Variants in FBXL5 observed in about 807,000 individuals in gnomAD.
FBXL5 encodes F-box/LRR-repeat protein 5.
Under a neutral mutation model 78.3 loss-of-function variants are expected in FBXL5, and 26 were observed. The observed-to-expected ratio is 0.33, with a 90% CI of 0.24 to 0.46. FBXL5 has a LOEUF of 0.46. Among genes scored for constraint, FBXL5 ranks in the 20% least tolerant of loss-of-function variants. The pLI, the probability that FBXL5 is intolerant of heterozygous loss-of-function variation, is 1.00. For synonymous variants in FBXL5, 295 were observed against 282.5 expected (o/e 1.04, Z -0.45); for missense variants, 710 against 829.2 (o/e 0.86, Z 1.77).
At chr4:15,647,712 T>C (rs1364448550) in intron 1 of FBXL5, among the ~76,000 whole-genome samples, 2 of 152,204 alleles carry the variant, frequency 1.3e-5, no homozygotes, top group Non-Finnish European at 2.9e-5. Context: ...CCAGCTAACC[T>C]AGCACAGTAG....
chr4:15,612,849 C>G (rs1426789068), intron 9 of FBXL5, among the ~76,000 whole-genome samples: 1 of 152,044 alleles, frequency 6.6e-6, no homozygotes, highest in East Asian at 1.9e-4. Flanking sequence ...ATTCCTGTCC[C>G]AGGTATATAC....
chr4:15,677,503 T>G (rs1718036865), intron 1 of FBXL5, among the ~76,000 whole-genome samples: 1 of 152,188 alleles, frequency 6.6e-6, no homozygotes, highest in East Asian at 1.9e-4. Context: ...TTAAAACTTT[T>G]AGCCCATCTC....
chr4:15,616,856 G>C (rs1350085408), intron 9 of FBXL5, among the ~76,000 whole-genome samples: 1 of 152,188 alleles, frequency 6.6e-6, no homozygotes, highest in Non-Finnish European at 1.5e-5. Context: ...GTTGTGTTCA[G>C]AGGCAGACAT....
At chr4:15,661,512 A>G (rs1717304663), upstream of FBXL5, among the ~76,000 whole-genome samples, 1 of 152,232 alleles carries the variant, frequency 6.6e-6, no homozygotes, top group Non-Finnish European at 1.5e-5. Context: ...AACCTTAGGA[A>G]TAGTATTTCA....
intron 9 of FBXL5, among the ~76,000 whole-genome samples, chr4:15,613,799 C>T (rs1722433787): frequency 6.6e-6 from 1 of 151,840 alleles, no homozygotes; most frequent in Non-Finnish European, 1.5e-5. Flanking sequence ...TTTATTTATG[C>T]TATAAATTTC....
intron 9 of FBXL5, among the ~76,000 whole-genome samples, chr4:15,623,399 G>C (rs1712678820): frequency 1.3e-5 from 2 of 151,906 alleles, no homozygotes; most frequent in South Asian, 4.2e-4. Context: ...GGCTCTGAAA[G>C]GTCACATGTA....
rs143031139 is a variant in FBXL5 at position 15,625,866 on chromosome 4, T to C, written c.1236A>G (p.Thr412=). The C allele has an allele frequency of 8.1e-4, 1,300 of 1,614,038 alleles. 1 individual carries two copies. Among genetic ancestry groups the C allele is most frequent in the Admixed American group, 1.7e-3 (102 of 60,008 alleles). Residue 412 remains threonine, a synonymous_variant, in exon 9 of 11, where the codon ACA becomes ACG. Coordinates refer to ENST00000341285, the MANE Select transcript of FBXL5 (RefSeq NM_012161.4). Reference sequence around the variant, plus strand: ...TTTTCAAAAAGCCACTTTGATGAGATGTCAGAATTCCAAGAGCTCTGGAAA... The same window carrying C: ...TTTTCAAAAAGCCACTTTGATGAGACGTCAGAATTCCAAGAGCTCTGGAAA... ...EKISRALGIL[T]SHQSGFLKTS...
rs1553852146 is a variant in FBXL5, at chr4:15,640,393, G to GGA, written c.396+394_396+395insTC. ...CATTTAAATACTAAACTACACTACT[G>GGA]AAAAAAAAAAAAAAAAACATGAAAA... On this transcript the variant is annotated intron_variant, in intron 3 of 10. Coordinates refer to ENST00000341285, the MANE Select transcript of FBXL5 (RefSeq NM_012161.4). Among the ~76,000 whole-genome samples, 4 of 91,604 alleles carry GGA rather than the reference G, an allele frequency of 4.4e-5. No individual in the cohort carries two copies. In the East Asian group the frequency reaches 1.2e-3, roughly 28 times the overall value. 60.1% of individuals were successfully genotyped at this position (91,604 alleles called of 152,430 possible). A position where few individuals can be genotyped will look rare whatever the true frequency, so the allele number is the denominator to read the frequency against.
chr4:15,617,580 A>G (rs533999064), intron 9 of FBXL5, among the ~76,000 whole-genome samples: 1 of 151,890 alleles, frequency 6.6e-6, no homozygotes, highest in Admixed American at 6.6e-5. Context: ...AACGTGGTAC[A>G]TATACACCAT....
intron 1 of FBXL5, among the ~76,000 whole-genome samples, chr4:15,674,202 G>A (rs1189877949): frequency 7.7e-6 from 1 of 130,038 alleles, no homozygotes; most frequent in Admixed American, 7.6e-5. Flanking sequence ...CAAATGCATC[G>A]TGTTTTTTTT....
At chr4:15,653,112 T>C (rs1023293122) in intron 1 of FBXL5, among the ~76,000 whole-genome samples, 5 of 152,198 alleles carry the variant, frequency 3.3e-5, no homozygotes, top group African/African-American at 1.2e-4. Context: ...ATGCATTTTT[T>C]TTTCCCTAAA....
rs148625395 is a variant in FBXL5 at position 15,626,052 on chromosome 4, G to A, written c.1125-75C>T. On this transcript the variant is annotated intron_variant, in intron 8 of 10. Coordinates refer to ENST00000341285, the MANE Select transcript of FBXL5 (RefSeq NM_012161.4). ...AGCATTTGACTATATGCATGTAGAT[G>A]AAAACCAGAAGAAAGATTTGACATC... 3,252 of 1,295,500 alleles carry A rather than the reference G, an allele frequency of 2.5e-3. 67 individuals carry two copies. In the Admixed American group the frequency reaches 0.042, roughly 17 times the overall value. The allele number at this position is 1,295,500 out of a possible 1,614,324, so 80.3% of individuals were successfully genotyped here. A position where few individuals can be genotyped will look rare whatever the true frequency, so the allele number is the denominator to read the frequency against.
chr4:15,633,283 T>A (rs1220264882), intron 5 of FBXL5, among the ~76,000 whole-genome samples: 1 of 152,226 alleles, frequency 6.6e-6, no homozygotes, highest in African/African-American at 2.4e-5. Flanking sequence ...GTTTTTCAAC[T>A]TTTTTATAGA....
chr4:15,639,947 T>C (rs917403978), intron 3 of FBXL5, among the ~76,000 whole-genome samples: 1 of 152,220 alleles, frequency 6.6e-6, no homozygotes, highest in Non-Finnish European at 1.5e-5. Flanking sequence ...CTGATATTCA[T>C]CCCATATTAG....
intron 5 of FBXL5, among the ~76,000 whole-genome samples, chr4:15,634,364 C>A (rs143743125): frequency 3.8e-4 from 56 of 148,662 alleles, no homozygotes; most frequent in Non-Finnish European, 6.6e-4. Flanking sequence ...AATTTTTTTT[C>A]TTTTTTGTTT....
chr4:15,673,828 T>G (rs1423059724), intron 1 of FBXL5, among the ~76,000 whole-genome samples: 1 of 152,194 alleles, frequency 6.6e-6, no homozygotes, highest in Non-Finnish European at 1.5e-5. Context: ...GGGATTCCAC[T>G]AGGCTGCATA....
chr4:15,630,921 GTTTTT>G, intron 5 of FBXL5, 130 bp from the exon 6 acceptor site: 4 of 1,128,044 alleles, frequency 3.5e-6, no homozygotes, highest in South Asian at 3.1e-5. Context: ...ATAAGCAACT[GTTTTT>G]TTTTAATACT....
chr4:15,662,893 T>C (rs1443605375), upstream of FBXL5, among the ~76,000 whole-genome samples: 1 of 152,234 alleles, frequency 6.6e-6, no homozygotes, highest in Non-Finnish European at 1.5e-5. Context: ...GCACAATTGT[T>C]ACTACCAGAT....
In FBXL5 at chr4:15,633,571, G is replaced by C. The variant is rs77610816; in HGVS notation, c.767-2780C>G. ...CAACTAAATTATATGATCATGAAATGAGAGATTATGCGGAATCAATTTACT... is the reference window on the plus strand; with the variant it reads ...CAACTAAATTATATGATCATGAAATCAGAGATTATGCGGAATCAATTTACT... On this transcript the variant is annotated intron_variant, in intron 5 of 10. Transcript: ENST00000341285. Among the ~76,000 whole-genome samples the C allele has an allele frequency of 3.0e-3, 456 of 152,274 alleles. 2 individuals carry two copies. Among genetic ancestry groups the C allele is most frequent in the African/African-American group, 0.01 (430 of 41,552 alleles).
Sources: allele counts gnomAD v4.1 joint callset (sites outside exome capture counted in the v4.1 genomes callset), GRCh38; gene constraint gnomAD v4.1.1; transcripts MANE v1.5; gene names NCBI Gene and HGNC (gene_info 2026-07-23, HGNC 2026-07-21).